The following JUP variants were observed in gnomAD, a reference collection of about 807,000 sequenced individuals.
JUP encodes the protein junction plakoglobin, also known as catenin (cadherin-associated protein), gamma 80kDa.
In JUP, 28 loss-of-function variants were observed where a neutral mutation model predicts 71.1. The ratio of observed to expected loss-of-function variants is 0.39; its 90% CI spans 0.29 to 0.54. JUP has a LOEUF of 0.54. Among genes scored for constraint, JUP ranks in the 20% least tolerant of loss-of-function variants. JUP has a pLI of 0.62. For missense variants in JUP, 869 were observed against 1,030.1 expected (o/e 0.84, Z 2.14); for synonymous variants, 401 against 438.9 (o/e 0.91, Z 1.08).
In JUP at chr17:41,755,129, C is replaced by G; in HGVS notation, c.*615G>C. 2.5e-6 allele frequency: 1 copy of G among 397,596 alleles called. No homozygotes were observed. The highest frequency in any genetic ancestry group is 4.4e-6 in the Non-Finnish European group (1 of 225,870). 24.6% of individuals were successfully genotyped at this position (397,596 alleles called of 1,614,324 possible). A position where few individuals can be genotyped will look rare whatever the true frequency, so the allele number is the denominator to read the frequency against. On this transcript the variant is annotated 3_prime_UTR_variant, in exon 14 of 14. Coordinates refer to ENST00000393931, the MANE Select transcript of JUP (RefSeq NM_002230.4). ...GAGAAGGAACCAAAGCCCTTCCGGG[C>G]CCAGGCAGCTGGAGACAGGGAGGCT...
intron 1 of JUP, among the ~76,000 whole-genome samples, chr17:41,774,490 C>T (rs1427969949): frequency 1.3e-5 from 2 of 152,098 alleles, no homozygotes; most frequent in East Asian, 1.9e-4. Context: ...TGCACCACCA[C>T]GCCTGGCTAA....
At position 41,769,633 on chromosome 17, in the gene JUP, C is replaced by T. The variant is rs782425952; in HGVS notation, c.253G>A (p.Val85Met). 2.5e-6 allele frequency: 4 copies of T among 1,606,546 alleles called. No homozygotes were observed. Among genetic ancestry groups the T allele is most frequent in the Non-Finnish European group, 3.4e-6 (4 of 1,177,462 alleles). The change falls in exon 3 of 14, where the codon GTG becomes ATG. Residue 85 changes from valine to methionine, a missense_variant. By Grantham distance (21) the Val-to-Met change is conservative. Coordinates refer to ENST00000393931, the MANE Select transcript of JUP (RefSeq NM_002230.4). ...QMSTTARAKR[V>M]REAMCPGVSG... is the part of the protein sequence containing the mutation. ...ACACCAGGGCACATGGCCTCCCGCA[C>T]CCGTTTGGCCCTGGCTGTTGTGGAC...
intron 7 of JUP, among the ~76,000 whole-genome samples, 179 bp downstream of exon 7, chr17:41,764,534 G>GAAAAAAA (rs1555603054): frequency 3.6e-5 from 3 of 83,910 alleles, no homozygotes; most frequent in African/African-American, 1.2e-4. Context: ...GACTCCGTCA[G>GAAAAAAA]AAAAAAAAAA....
At chr17:41,776,055 C>T in intron 1 of JUP, 3 of 896,662 alleles carry the variant, frequency 3.3e-6, no homozygotes, top group Non-Finnish European at 4.0e-6. Flanking sequence ...TTGCAGGGCA[C>T]CAAGTGCCAA....
In JUP at chr17:41,769,627, C is replaced by G; in HGVS notation, c.259G>C (p.Glu87Gln). 1 of 1,606,162 alleles carries G rather than the reference C, an allele frequency of 6.2e-7. No individual in the cohort carries two copies. The highest frequency in any genetic ancestry group is 8.5e-7 in the Non-Finnish European group (1 of 1,177,222). Reference protein sequence around the residue: ...STTARAKRVREAMCPGVSGED... With the variant: ...STTARAKRVRQAMCPGVSGED... The stretch of plus-strand genomic sequence containing the variant: ...CCTGACACACCAGGGCACATGGCCT[C>G]CCGCACCCGTTTGGCCCTGGCTGTT... The change falls in exon 3 of 14, where the codon GAG becomes CAG. Residue 87 changes from glutamate to glutamine, a missense_variant. Physicochemically the swap from Glu to Gln is conservative, Grantham distance 29. Coordinates refer to ENST00000393931, the MANE Select transcript of JUP (RefSeq NM_002230.4).
chr17:41,765,060 AT>A lies in JUP; in HGVS notation c.916del (p.Ile306SerfsTer56), dbSNP rs782648921. On this transcript the variant is annotated frameshift_variant, in exon 6 of 14. Transcript: ENST00000393931. LOFTEE classifies it high-confidence loss of function. ...AYGNQESKLIILANGGPQALV... is the reference protein window; with the variant it reads ...AYGNQESKLIXLANGGPQALV... ...GGCCTGGGGCCCACCATTGGCCAGG[AT>A]GATCAGCTATGGGTAAAGAGGGAAT... 26 of 1,613,956 alleles carry A rather than the reference AT, an allele frequency of 1.6e-5. No individual in the cohort carries two copies. The highest frequency in any genetic ancestry group is 2.1e-5 in the Non-Finnish European group (25 of 1,179,960).
Position 41,784,416 on chromosome 17 carries a change from G to C in JUP, c.-9+2172C>G, listed in dbSNP as rs1297585400. Among the ~76,000 whole-genome samples, 3 of 152,188 alleles carry C rather than the reference G, an allele frequency of 2.0e-5. No individual in the cohort carries two copies. In the East Asian group the frequency reaches 5.8e-4, roughly 29 times the overall value. Reference sequence around the variant, plus strand: ...TTCTCCTCCTCCCCCGCATCCCCCAGTCCAGTCAGTGGCCAGTTTTCACCA... The same window carrying C: ...TTCTCCTCCTCCCCCGCATCCCCCACTCCAGTCAGTGGCCAGTTTTCACCA... On this transcript the variant is annotated intron_variant, in intron 1 of 13. Coordinates refer to ENST00000393931, the MANE Select transcript of JUP (RefSeq NM_002230.4).
chr17:41,779,761 G>A (rs935243984), intron 1 of JUP, among the ~76,000 whole-genome samples: 4 of 151,920 alleles, frequency 2.6e-5, no homozygotes, highest in African/African-American at 9.7e-5. Flanking sequence ...GAACTCCTGG[G>A]CTCAAGCAAT....
intron 4 of JUP, among the ~76,000 whole-genome samples, chr17:41,768,333 A>G (rs566892831): frequency 5.2e-4 from 79 of 152,154 alleles, no homozygotes; most frequent in African/African-American, 1.8e-3. Context: ...CGGGAGGCAG[A>G]GGTTGCAGTA....
At chr17:41,779,534 T>G (rs2047061432) in intron 1 of JUP, among the ~76,000 whole-genome samples, 1 of 152,010 alleles carries the variant, frequency 6.6e-6, no homozygotes, top group South Asian at 2.1e-4. Flanking sequence ...TTCACCATGT[T>G]AGCCAGGATG....
chr17:41,765,922 C>A (rs369478220), intron 5 of JUP, among the ~76,000 whole-genome samples: 1 of 152,142 alleles, frequency 6.6e-6, no homozygotes. Flanking sequence ...AATCTAAATA[C>A]CCTCCCTCAG....
chr17:41,764,654 A>G (rs1335037874), intron 7 of JUP, 59 bp downstream of exon 7: 26 of 1,378,396 alleles, frequency 1.9e-5, no homozygotes, highest in South Asian at 9.3e-5. Flanking sequence ...AGATGCCCAG[A>G]CAGGAGGCTG....
rs397517298 is a variant in JUP at position 41,758,457 on chromosome 17, C to A, written c.1715G>T (p.Arg572Leu). The A allele has an allele frequency of 3.7e-6, 6 of 1,614,038 alleles. No individual in the cohort carries two copies. The highest frequency in any genetic ancestry group is 4.2e-6 in the Non-Finnish European group (5 of 1,180,008). ...GATCTCCATGCGGTTCATGGGGTCCCGGGCGAGGATGTGCAGTGCTCCGGT... is the reference window on the plus strand; with the variant it reads ...GATCTCCATGCGGTTCATGGGGTCCAGGGCGAGGATGTGCAGTGCTCCGGT... ...GCTGALHILA[R>L]DPMNRMEIFR... Residue 572 changes from arginine (R) to leucine (L), a missense_variant, in exon 10 of 14, where the codon CGG becomes CTG. Transcript: ENST00000393931.
rs572405296 is a variant in JUP, at chr17:41,769,202, C to T, written c.474G>A (p.Val158=). Residue 158 remains valine (V), a synonymous_variant, in exon 4 of 14, where the codon GTG becomes GTA. Coordinates refer to ENST00000393931, the MANE Select transcript of JUP (RefSeq NM_002230.4). ...TCACAATCATGGCCGCCTTGGTCAC[C>T]ACCACCTGGAGGGCAAAGGCAGGGG... is the stretch of plus-strand genomic sequence containing the variant. The part of the protein sequence containing the change: ...TKLLNDEDPV[V]VTKAAMIVNQ... The T allele has an allele frequency of 1.1e-5, 17 of 1,600,442 alleles. No homozygotes were observed. The highest frequency in any genetic ancestry group is 1.8e-4 in the Middle Eastern group (1 of 5,608).
chr17:41,783,266 A>T (rs1372876276), intron 1 of JUP, among the ~76,000 whole-genome samples: 1 of 148,902 alleles, frequency 6.7e-6, no homozygotes, highest in Non-Finnish European at 1.5e-5. Flanking sequence ...TCCTCTGTAG[A>T]ATGCGAATAA....
intron 1 of JUP, chr17:41,775,994 C>T (rs974326292): frequency 3.0e-5 from 30 of 985,286 alleles, no homozygotes; most frequent in Non-Finnish European, 1.1e-5. Context: ...AGGCTCCTTC[C>T]CCAGCCGGCA....
intron 10 of JUP, 144 bp downstream of exon 10, chr17:41,758,255 A>G: frequency 7.3e-6 from 7 of 954,472 alleles, no homozygotes; most frequent in South Asian, 4.6e-5. Flanking sequence ...GTTGCTAAGT[A>G]GTCAATCTGG....
intron 1 of JUP, among the ~76,000 whole-genome samples, chr17:41,777,210 C>T (rs905362163): frequency 2.6e-5 from 4 of 152,098 alleles, no homozygotes; most frequent in South Asian, 2.1e-4. Context: ...ACTTCGCTCA[C>T]GCCAGGTGGA....
In JUP at chr17:41,765,358, G is replaced by GT. The variant is rs569234400; in HGVS notation, c.910-292dup. On this transcript the variant is annotated intron_variant, in intron 5 of 13. Transcript: ENST00000393931. ...GCCAAGCACCCCAATAAGTTTTTTTGTTTTTTTTTTTGAGATAGAGTCTCG... is the reference window on the plus strand; with the variant it reads ...GCCAAGCACCCCAATAAGTTTTTTTGTTTTTTTTTTTTGAGATAGAGTCTCG... Among the ~76,000 whole-genome samples the GT allele has an allele frequency of 1.7e-3, 233 of 140,256 alleles. 1 individual carries two copies. Among genetic ancestry groups the GT allele is most frequent in the South Asian group, 3.9e-3 (17 of 4,348 alleles). The allele number at this position is 140,256 out of a possible 152,430, so 92.0% of individuals were successfully genotyped here.
Sources: allele counts gnomAD v4.1 joint callset (sites outside exome capture counted in the v4.1 genomes callset), GRCh38; gene constraint gnomAD v4.1.1; transcripts MANE v1.5; gene names NCBI Gene and HGNC (gene_info 2026-07-23, HGNC 2026-07-21).